CCDC198: variants seen among roughly 807,000 people sequenced by gnomAD.
CCDC198 encodes the protein factor associated with metabolism and energy.
A neutral mutation model predicts 35.6 loss-of-function variants in CCDC198; 18 were observed. That is an observed-to-expected ratio of 0.51 (90% CI 0.35 to 0.75). The LOEUF (loss-of-function observed/expected upper bound fraction) is 0.75. CCDC198 is among the 30% of genes least tolerant of loss of function. CCDC198 has a pLI of 0.01. For missense variants in CCDC198, 365 were observed against 343.7 expected (o/e 1.06, Z -0.49); for synonymous variants, 119 against 113.4 (o/e 1.05, Z -0.31).
intron 2 of CCDC198, among the ~76,000 whole-genome samples, chr14:57,484,491 T>G (rs937022664): frequency 2.0e-5 from 3 of 152,178 alleles, no homozygotes; most frequent in Non-Finnish European, 4.4e-5. Flanking sequence ...ATCTCAGTCT[T>G]CTAGCAAACT....
chr14:57,485,268 G>A (rs1427647954), intron 2 of CCDC198, among the ~76,000 whole-genome samples: 2 of 152,154 alleles, frequency 1.3e-5, no homozygotes, highest in African/African-American at 2.4e-5. Context: ...AAGGTCAGGA[G>A]TGAGAAGAGA....
intron 3 of CCDC198, among the ~76,000 whole-genome samples, chr14:57,482,023 C>T (rs1007209075): frequency 6.6e-6 from 1 of 152,194 alleles, no homozygotes; most frequent in African/African-American, 2.4e-5. Context: ...CTTTCTTTTT[C>T]TCCCTGCCTC....
chr14:57,484,018 ACTGCAGGGCAGAAAAAAC>A lies in CCDC198; in HGVS notation c.307-885_307-868del, dbSNP rs560966923. On this transcript the variant is annotated intron_variant, in intron 2 of 5. Coordinates refer to ENST00000216445, the MANE Select transcript of CCDC198 (RefSeq NM_018168.4). ...GTGTGATTATTCAAGTGATAATTAC[ACTGCAGGGCAGAAAAAAC>A]CTGCAGGGCAGAAAAAATCTGCAGG... Among the ~76,000 whole-genome samples, 315 of 152,324 alleles carry A rather than the reference ACTGCAGGGCAGAAAAAAC, an allele frequency of 2.1e-3. 3 individuals carry two copies. The highest frequency in any genetic ancestry group is 3.4e-3 in the Middle Eastern group (1 of 292).
rs1489572855 is a variant in CCDC198, at chr14:57,471,376, A to T, written c.870T>A (p.Asp290Glu). ...RTRTERIPLF[D>E]EFFDQE is the part of the protein sequence containing the mutation. The stretch of plus-strand genomic sequence containing the variant: ...ATTCTTATTCTTGATCAAAAAACTC[A>T]TCGAAAAGTGGGATTCTCTCTGTCC... Residue 290 changes from aspartate to glutamate, a missense_variant, in exon 6 of 6, where the codon GAT (aspartate) becomes GAA (glutamate). Physicochemically the swap from Asp to Glu is conservative, Grantham distance 45 (BLOSUM62 2). Transcript: ENST00000216445. 6.2e-7 allele frequency: 1 copy of T among 1,613,046 alleles called. No individual in the cohort carries two copies. The highest frequency in any genetic ancestry group is 1.1e-5 in the South Asian group (1 of 90,702).
At chr14:57,483,320 T>C in intron 2 of CCDC198, 169 bp from the exon 3 acceptor site, 1 of 956,280 alleles carries the variant, frequency 1.0e-6, no homozygotes, top group Non-Finnish European at 1.5e-6. Context: ...TACAAAGGGC[T>C]TTTCAACCTA....
At chr14:57,471,910 T>C (rs2066833078) in intron 5 of CCDC198, among the ~76,000 whole-genome samples, 1 of 151,826 alleles carries the variant, frequency 6.6e-6, no homozygotes, top group South Asian at 2.1e-4. Flanking sequence ...TATCTATCTA[T>C]CTATGCATAC....
intron 2 of CCDC198, among the ~76,000 whole-genome samples, chr14:57,488,326 T>C (rs1378758750): frequency 3.3e-5 from 5 of 152,168 alleles, no homozygotes; most frequent in Non-Finnish European, 7.4e-5. Context: ...CCTATATCCT[T>C]TGATTAATCA....
intron 2 of CCDC198, among the ~76,000 whole-genome samples, chr14:57,490,146 G>A (rs2067512054): frequency 1.3e-5 from 2 of 152,090 alleles, no homozygotes; most frequent in Admixed American, 1.3e-4. Flanking sequence ...ATTGGTCCAG[G>A]CATCTGGGTG....
At position 57,471,046 on chromosome 14, in the gene CCDC198, CAATTTCAATGACATGAAA is replaced by C. The variant is rs1360998551; in HGVS notation, c.*291_*308del. 3.7e-6 allele frequency: 1 copy of C among 269,858 alleles called. No individual in the cohort carries two copies. The highest frequency in any genetic ancestry group is 1.0e-4 in the East Asian group (1 of 10,028). The allele number at this position is 269,858 out of a possible 1,614,324, so 16.7% of individuals were successfully genotyped here. A position where few individuals can be genotyped will look rare whatever the true frequency, so the allele number is the denominator to read the frequency against. The stretch of plus-strand genomic sequence containing the variant: ...CAGTCTTAGTAGTCCAAATGTAGTC[CAATTTCAATGACATGAAA>C]GATTTCAAAAGGGAACAGCAGAAGA... On this transcript the variant is annotated 3_prime_UTR_variant, in exon 6 of 6. Coordinates refer to ENST00000216445, the MANE Select transcript of CCDC198 (RefSeq NM_018168.4).
intron 5 of CCDC198, 108 bp downstream of exon 5, chr14:57,480,487 G>A (rs1278511099): frequency 8.9e-5 from 120 of 1,350,614 alleles, no homozygotes; most frequent in Non-Finnish European, 1.2e-4. Context: ...CTCAGCAAGA[G>A]CTCAAAGCTG....
intron 5 of CCDC198, chr14:57,478,932 G>C (rs1342320207): frequency 1.6e-6 from 2 of 1,279,534 alleles, no homozygotes; most frequent in East Asian, 1.1e-4. Flanking sequence ...AGCTCTCTCA[G>C]CGGTGGGTCA....
chr14:57,481,200 T>C (rs1367749662), intron 4 of CCDC198, among the ~76,000 whole-genome samples: 1 of 152,192 alleles, frequency 6.6e-6, no homozygotes. Flanking sequence ...GCAAGAATTA[T>C]AGAGAGAGGC....
At chr14:57,473,096 C>G (rs945842949) in intron 5 of CCDC198, among the ~76,000 whole-genome samples, 8 of 152,158 alleles carry the variant, frequency 5.3e-5, no homozygotes, top group African/African-American at 1.9e-4. Flanking sequence ...CATACAAAAG[C>G]TACACATATT....
At chr14:57,489,200 G>T (rs896443517) in intron 2 of CCDC198, among the ~76,000 whole-genome samples, 1 of 152,008 alleles carries the variant, frequency 6.6e-6, no homozygotes, top group Non-Finnish European at 1.5e-5. Flanking sequence ...GCCACAAAAA[G>T]GAACGAGATC....
chr14:57,473,329 C>G (rs959957274), intron 5 of CCDC198, among the ~76,000 whole-genome samples: 11 of 152,216 alleles, frequency 7.2e-5, no homozygotes, highest in African/African-American at 2.7e-4. Flanking sequence ...AACTGGACAC[C>G]TCCACTTTGA....
chr14:57,473,345 A>G (rs191746985), intron 5 of CCDC198, among the ~76,000 whole-genome samples: 46 of 152,328 alleles, frequency 3.0e-4, no homozygotes, highest in Admixed American at 1.1e-3. Context: ...TTTGATATCT[A>G]CTTGGCAATA....
In CCDC198 at chr14:57,489,199, AG is replaced by A. The variant is rs575451229; in HGVS notation, c.306+1789del. Among the ~76,000 whole-genome samples the A allele has an allele frequency of 1.8e-4, 28 of 152,350 alleles. 2 individuals carry two copies. The highest frequency in any genetic ancestry group is 1.0e-3 in the Admixed American group (16 of 15,292). On this transcript the variant is annotated intron_variant, in intron 2 of 5. Transcript: ENST00000216445. Reference sequence around the variant, plus strand: ...CATGGAATACTATGCAGCCACAAAAAGGAACGAGATCATGTTCTTTGCAGGG... The same window carrying A: ...CATGGAATACTATGCAGCCACAAAAAGAACGAGATCATGTTCTTTGCAGGG...
At chr14:57,475,763 C>A in intron 5 of CCDC198, 1 of 383,604 alleles carries the variant, frequency 2.6e-6, no homozygotes, top group South Asian at 1.8e-5. Context: ...TCTATATTCC[C>A]ATACATTTGT....
At position 57,492,491 on chromosome 14, in the gene CCDC198, A is replaced by G. The variant is rs2067606411; in HGVS notation, c.223+1002T>C. 2.0e-5 allele frequency among the ~76,000 whole-genome samples: 3 copies of G among 152,102 alleles called. 1 individual carries two copies. The highest frequency in any genetic ancestry group is 6.6e-5 in the Admixed American group (1 of 15,246). On this transcript the variant is annotated intron_variant, in intron 1 of 5. Transcript: ENST00000216445. ...ACATTCACGCTCCATTTTTTAAATCATGTCTATCACCTATCCCTCTATCTA... is the reference window on the plus strand; with the variant it reads ...ACATTCACGCTCCATTTTTTAAATCGTGTCTATCACCTATCCCTCTATCTA...
Sources: gnomAD v4.1 joint callset for allele counts (sites outside exome capture counted in the v4.1 genomes callset) on GRCh38, gnomAD v4.1.1 for gene constraint, MANE v1.5 for transcripts, NCBI Gene and HGNC (gene_info 2026-07-23, HGNC 2026-07-21) for gene names.